The following ME2 variants were observed in gnomAD, a reference collection of about 807,000 sequenced individuals.
ME2 encodes NAD-dependent malic enzyme, mitochondrial.
In ME2, 60 loss-of-function variants were observed where a neutral mutation model predicts 73.7. The observed-to-expected ratio is 0.81, with a 90% CI of 0.66 to 1.01. The LOEUF (loss-of-function observed/expected upper bound fraction) is 1.01, where lower values mean the gene tolerates loss of function less well. Among genes scored for constraint, ME2 ranks in the 50% least tolerant of loss-of-function variants. ME2 has a pLI of 0.00. For synonymous variants in ME2, 199 were observed against 236.9 expected (o/e 0.84, Z 1.47); for missense variants, 594 against 705.5 (o/e 0.84, Z 1.79).
intron 13 of ME2, chr18:50,939,348 C>A: frequency 2.3e-6 from 1 of 430,166 alleles, no homozygotes; most frequent in Non-Finnish European, 4.2e-6. Flanking sequence ...AAAAACTAAA[C>A]TGAGAAAAGC....
In ME2 at chr18:50,895,865, A is replaced by G. The variant is rs1412685792; in HGVS notation, c.45A>G (p.Ala15=). Residue 15 remains alanine (A), a synonymous_variant, in exon 2 of 16, where the codon GCA becomes GCG. Transcript: ENST00000321341. ...LRVVSTTCTL[A]CRHLHIKEKG... ...TAGTTTCCACCACTTGTACTTTGGC[A>G]TGTCGACATTTGCACATAAAAGAAA... 8 of 1,613,602 alleles carry G rather than the reference A, an allele frequency of 5.0e-6. No individual in the cohort carries two copies. The highest frequency in any genetic ancestry group is 3.4e-4 in the Middle Eastern group (2 of 5,810).
rs1226834551 is a variant in ME2 at position 50,894,804 on chromosome 18, G to A, written c.-12-1005G>A. On this transcript the variant is annotated intron_variant, in intron 1 of 15. Transcript: ENST00000321341. ...AGGCAGGAGAATGGCGTGAACCCGG[G>A]AGGTGGAGCTTGCAGTGAGCTGAGA... Among the ~76,000 whole-genome samples the A allele has an allele frequency of 3.3e-5, 5 of 151,536 alleles. No individual in the cohort carries two copies. The East Asian group carries it at 9.7e-4, about 29-fold the overall frequency.
At chr18:50,880,248 A>G (rs1916284836) in intron 1 of ME2, among the ~76,000 whole-genome samples, 1 of 152,194 alleles carries the variant, frequency 6.6e-6, no homozygotes, top group South Asian at 2.1e-4. Context: ...TTTACAAACC[A>G]GGAAACTAAG....
intron 2 of ME2, among the ~76,000 whole-genome samples, chr18:50,900,501 C>G (rs768058700): frequency 5.9e-5 from 9 of 151,722 alleles, no homozygotes; most frequent in Non-Finnish European, 1.3e-4. Flanking sequence ...TCACTGTGGT[C>G]GCGATCTGCT....
rs138830880 is a variant in ME2 at position 50,932,197 on chromosome 18, C to T, written c.1315-61C>T. On this transcript the variant is annotated intron_variant, in intron 12 of 15. Transcript: ENST00000321341. The stretch of plus-strand genomic sequence containing the variant: ...TTCAGGACTTGATTTTGTATGAATT[C>T]ACCTCAATTTTCTCATCCACAGAAA... 2.1e-6 allele frequency: 3 copies of T among 1,411,772 alleles called. No homozygotes were observed. The African/African-American group carries it at 4.3e-5, about 20-fold the overall frequency. 87.5% of individuals were successfully genotyped at this position (1,411,772 alleles called of 1,614,324 possible). A position where few individuals can be genotyped will look rare whatever the true frequency, so the allele number is the denominator to read the frequency against.
chr18:50,942,092 TA>T (rs11320316), intron 15 of ME2, among the ~76,000 whole-genome samples: 2,217 of 152,276 alleles, frequency 0.015, 49 homozygotes, highest in African/African-American at 0.049. Context: ...TTATGAATAT[TA>T]ATGCCTTCTG....
intron 2 of ME2, among the ~76,000 whole-genome samples, chr18:50,903,719 G>A (rs868207408): frequency 2.0e-5 from 3 of 152,154 alleles, no homozygotes; most frequent in African/African-American, 7.2e-5. Context: ...AAAATGCTTG[G>A]ATTACAGGCA....
At chr18:50,896,531 C>T (rs1218400878) in intron 2 of ME2, among the ~76,000 whole-genome samples, 2 of 152,058 alleles carry the variant, frequency 1.3e-5, no homozygotes, top group African/African-American at 2.4e-5. Context: ...ATGTTTGGTT[C>T]GGTGGACAAG....
chr18:50,899,796 T>C (rs535455880), intron 2 of ME2, among the ~76,000 whole-genome samples: 28 of 152,328 alleles, frequency 1.8e-4, no homozygotes, highest in African/African-American at 6.7e-4. Context: ...GTTGGAATTA[T>C]CTCATTCCTC....
At chr18:50,900,063 C>G (rs1474376925) in intron 2 of ME2, among the ~76,000 whole-genome samples, 1 of 152,052 alleles carries the variant, frequency 6.6e-6, no homozygotes, top group Non-Finnish European at 1.5e-5. Context: ...AGGAAATACC[C>G]CTATTCACAC....
intron 1 of ME2, 55 bp from the exon 2 acceptor site, chr18:50,895,754 A>G (rs919842308): frequency 6.5e-6 from 7 of 1,073,928 alleles, no homozygotes; most frequent in Non-Finnish European, 5.6e-6. Context: ...CCCGATGGAC[A>G]TGAAGGCCTA....
At chr18:50,926,577 A>T (rs1397339826) in intron 12 of ME2, among the ~76,000 whole-genome samples, 2 of 152,168 alleles carry the variant, frequency 1.3e-5, no homozygotes, top group South Asian at 4.1e-4. Context: ...TTTTGAAAAA[A>T]TATCAGCCAG....
chr18:50,936,415 C>A (rs1917821364), intron 13 of ME2, among the ~76,000 whole-genome samples: 1 of 151,932 alleles, frequency 6.6e-6, no homozygotes, highest in Non-Finnish European at 1.5e-5. Flanking sequence ...ACATAGAAAC[C>A]CTAAGGTGTA....
At chr18:50,894,966 A>C (rs145437850) in intron 1 of ME2, among the ~76,000 whole-genome samples, 2,297 of 152,120 alleles carry the variant, frequency 0.015, 16 homozygotes, top group Non-Finnish European at 0.023. Context: ...AAAAAAAAAA[A>C]AAATCCTTAT....
intron 11 of ME2, among the ~76,000 whole-genome samples, chr18:50,924,462 C>G (rs1402421148): frequency 6.6e-6 from 1 of 151,920 alleles, no homozygotes; most frequent in East Asian, 1.9e-4. Flanking sequence ...CTGTTGGACT[C>G]AAAACATGAA....
intron 1 of ME2, among the ~76,000 whole-genome samples, chr18:50,881,978 A>G (rs866125221): frequency 2.8e-4 from 43 of 152,176 alleles, no homozygotes; most frequent in African/African-American, 8.2e-4. Context: ...AGAGCTAGCA[A>G]ATGGCAAAGC....
intron 2 of ME2, among the ~76,000 whole-genome samples, chr18:50,906,955 T>C: frequency 6.6e-6 from 1 of 152,174 alleles, no homozygotes; most frequent in Non-Finnish European, 1.5e-5. Context: ...TTTTGAAAGC[T>C]CCAACCCCAT....
chr18:50,929,617 TATA>T (rs1339315850), intron 12 of ME2, among the ~76,000 whole-genome samples: 4 of 152,196 alleles, frequency 2.6e-5, no homozygotes, highest in Admixed American at 2.0e-4. Flanking sequence ...TTCCAATTGA[TATA>T]ATAATTATTG....
At chr18:50,943,573 G>A (rs773158546) in intron 15 of ME2, among the ~76,000 whole-genome samples, 1 of 151,962 alleles carries the variant, frequency 6.6e-6, no homozygotes, top group Non-Finnish European at 1.5e-5. Flanking sequence ...CAAAGTGCTG[G>A]GATTATAGAT....
Sources: allele counts gnomAD v4.1 joint callset (sites outside exome capture counted in the v4.1 genomes callset), GRCh38; gene constraint gnomAD v4.1.1; transcripts MANE v1.5; gene names NCBI Gene and HGNC (gene_info 2026-07-23, HGNC 2026-07-21).